Variants in SGCD observed in about 807,000 individuals in gnomAD.
The protein encoded by SGCD is delta-sarcoglycan.
SGCD carries 18 observed loss-of-function variants against 36.6 expected under a neutral mutation model. The ratio of observed to expected loss-of-function variants is 0.49; its 90% CI spans 0.34 to 0.73. The LOEUF is 0.73. Among genes scored for constraint, SGCD ranks in the 30% least tolerant of loss-of-function variants. The pLI is 0.01. For synonymous variants in SGCD, 133 were observed against 130.6 expected (o/e 1.02, Z -0.12); for missense variants, 387 against 346.7 (o/e 1.12, Z -0.92).
intron 1 of SGCD, among the ~76,000 whole-genome samples, chr5:155,934,539 TTCTTTGTG>T (rs1757160960): frequency 6.6e-6 from 1 of 152,246 alleles, no homozygotes; most frequent in Non-Finnish European, 1.5e-5. Flanking sequence ...GCAGTAGTTT[TTCTTTGTG>T]TCTTCTTTTA....
intron 7 of SGCD, among the ~76,000 whole-genome samples, chr5:156,730,255 T>C (rs747809934): frequency 9.2e-5 from 14 of 152,142 alleles, no homozygotes; most frequent in Non-Finnish European, 1.6e-4. Flanking sequence ...AGTTCAGGAG[T>C]ACAAGTACAG....
At chr5:156,081,321 C>A (rs1028009629) in intron 1 of SGCD, among the ~76,000 whole-genome samples, 2 of 152,178 alleles carry the variant, frequency 1.3e-5, no homozygotes, top group Admixed American at 1.3e-4. Flanking sequence ...CAAACCCTCC[C>A]ACCAGGGCCC....
chr5:156,205,768 C>A (rs1008048327), intron 3 of SGCD, among the ~76,000 whole-genome samples: 10 of 151,932 alleles, frequency 6.6e-5, no homozygotes, highest in African/African-American at 1.9e-4. Context: ...GTCCTAATCT[C>A]TTTGTATGTG....
the SGCD span, among the ~76,000 whole-genome samples, chr5:155,782,316 C>T: frequency 3.9e-5 from 6 of 152,120 alleles, no homozygotes; most frequent in Non-Finnish European, 7.4e-5. Flanking sequence ...TAAGCCACCA[C>T]ACCCGGCCTC....
intron 4 of SGCD, among the ~76,000 whole-genome samples, chr5:156,519,305 G>C (rs1279603300): frequency 1.3e-5 from 2 of 151,974 alleles, no homozygotes; most frequent in East Asian, 3.9e-4. Flanking sequence ...TCCCTGAATA[G>C]ACCATTCACG....
chr5:156,633,087 A>G lies in SGCD; in HGVS notation c.503-14377A>G, dbSNP rs79673672. ...TCTTTTTTCTCTGATTTGCTTTCTC[A>G]CATTTTCTCATGGAGATTACACCTC... On this transcript the variant is annotated intron_variant, in intron 6 of 8. Coordinates refer to ENST00000337851, the MANE Select transcript of SGCD (RefSeq NM_000337.6). Among the ~76,000 whole-genome samples, 383 of 152,242 alleles carry G rather than the reference A, an allele frequency of 2.5e-3. 1 individual carries two copies. The highest frequency in any genetic ancestry group is 8.8e-3 in the African/African-American group (364 of 41,550).
intron 6 of SGCD, among the ~76,000 whole-genome samples, chr5:156,622,175 G>A (rs1465440490): frequency 6.6e-6 from 1 of 152,146 alleles, no homozygotes; most frequent in Non-Finnish European, 1.5e-5. Flanking sequence ...GCTCACACCT[G>A]TAATCCCAAC....
chr5:156,227,979 G>C (rs1764900620), intron 3 of SGCD, among the ~76,000 whole-genome samples: 1 of 152,012 alleles, frequency 6.6e-6, no homozygotes, highest in African/African-American at 2.4e-5. Flanking sequence ...ATAATTTTCA[G>C]TTTTATTCCA....
intron 3 of SGCD, among the ~76,000 whole-genome samples, chr5:156,301,673 GC>G (rs1767056688): frequency 6.6e-6 from 1 of 151,998 alleles, no homozygotes; most frequent in Non-Finnish European, 1.5e-5. Flanking sequence ...ACTCTCTTTA[GC>G]CTTTCTTGTA....
At chr5:156,033,448 A>G (rs1759405940) in intron 1 of SGCD, among the ~76,000 whole-genome samples, 1 of 151,984 alleles carries the variant, frequency 6.6e-6, no homozygotes, top group Non-Finnish European at 1.5e-5. Context: ...GTCCGTGTGT[A>G]CCCACTGTTT....
chr5:155,908,664 C>T (rs1274191230), intron 1 of SGCD, among the ~76,000 whole-genome samples: 1 of 152,110 alleles, frequency 6.6e-6, no homozygotes, highest in African/African-American at 2.4e-5. Flanking sequence ...TCTGCACTGG[C>T]TTTTGCATCA....
At chr5:156,432,952 C>T (rs1045102009) in intron 3 of SGCD, among the ~76,000 whole-genome samples, 6 of 152,154 alleles carry the variant, frequency 3.9e-5, no homozygotes, top group Non-Finnish European at 7.4e-5. Context: ...TAATGCCAGG[C>T]ACCTAGCTCC....
upstream of SGCD, among the ~76,000 whole-genome samples, chr5:155,869,644 AT>A (rs3085991): frequency 0.12 from 18,186 of 148,538 alleles, 1,124 homozygotes; most frequent in South Asian, 0.2. Flanking sequence ...CCTTTGGCAG[AT>A]TTTTTTTTTT....
intron 1 of SGCD, among the ~76,000 whole-genome samples, chr5:156,012,962 T>TTA (rs1168914282): frequency 2.0e-5 from 3 of 149,200 alleles, no homozygotes; most frequent in East Asian, 1.9e-4. Context: ...TATTTATTAT[T>TTA]TATATATATA....
intron 1 of SGCD, among the ~76,000 whole-genome samples, chr5:155,966,381 C>T (rs1323494731): frequency 1.3e-5 from 2 of 152,076 alleles, no homozygotes; most frequent in Admixed American, 6.6e-5. Flanking sequence ...TCACACTGTC[C>T]TCATCTATAA....
At chr5:156,449,697 A>T (rs933245753) in intron 3 of SGCD, among the ~76,000 whole-genome samples, 2 of 148,968 alleles carry the variant, frequency 1.3e-5, no homozygotes, top group East Asian at 3.9e-4. Flanking sequence ...AAAAAAAAAA[A>T]AAAAATCAGC....
At chr5:155,851,505 C>T in the SGCD span, among the ~76,000 whole-genome samples, 3 of 152,204 alleles carry the variant, frequency 2.0e-5, no homozygotes, top group South Asian at 6.2e-4. Context: ...AACACACCAA[C>T]CAGTGGAGGA....
the SGCD span, among the ~76,000 whole-genome samples, chr5:155,738,621 TGAGA>T: frequency 2.6e-5 from 4 of 151,956 alleles, no homozygotes; most frequent in South Asian, 2.1e-4. Flanking sequence ...GGCCTGCCTC[TGAGA>T]GAGAGAGTCT....
intron 4 of SGCD, among the ~76,000 whole-genome samples, chr5:156,509,476 A>G (rs1164243015): frequency 6.6e-6 from 1 of 152,200 alleles, no homozygotes; most frequent in African/African-American, 2.4e-5. Context: ...TGGTATTTAA[A>G]TAATCACTAC....
Sources: allele counts gnomAD v4.1 joint callset (sites outside exome capture counted in the v4.1 genomes callset), GRCh38; gene constraint gnomAD v4.1.1; transcripts MANE v1.5; gene names NCBI Gene and HGNC (gene_info 2026-07-23, HGNC 2026-07-21).